Variants in LINC00632 observed in about 807,000 individuals in gnomAD.
LINC00632 encodes the protein ALDOA related specific transcript.
rs762364101 is a variant in LINC00632 at position 140,775,870 on chromosome X, C to T, written n.3889C>T. Reference sequence around the variant, plus strand: ...ACGTTGAAATTTGGCATGAGGGAGTCCAGTAACTTTCTCCTCAATCTGTGA... The same window carrying T: ...ACGTTGAAATTTGGCATGAGGGAGTTCAGTAACTTTCTCCTCAATCTGTGA... On this transcript the variant is annotated non_coding_transcript_exon_variant, in exon 5 of 5. Transcript: ENST00000648200. 3.6e-5 allele frequency among the ~76,000 whole-genome samples: 4 copies of T among 110,295 alleles called. No individual in the cohort carries two copies. In the East Asian group the frequency reaches 1.1e-3, roughly 32 times the overall value.
exon 5 of LINC00632, among the ~76,000 whole-genome samples, chrX:140,776,020 A>C (rs186851687): frequency 1.7e-4 from 19 of 112,311 alleles, no homozygotes; most frequent in Admixed American, 1.3e-3. Context: ...AAAATTTTGC[A>C]ATCTACCCAT....
chrX:140,761,058 G>C (rs1057335479), intron 3 of LINC00632, among the ~76,000 whole-genome samples: 2 of 112,391 alleles, frequency 1.8e-5, no homozygotes, highest in Non-Finnish European at 3.8e-5. Context: ...GTCCCAGGAG[G>C]CTTGTTCACA....
intron 3 of LINC00632, among the ~76,000 whole-genome samples, chrX:140,760,657 G>A (rs775553180): frequency 9.0e-6 from 1 of 111,366 alleles, no homozygotes; most frequent in East Asian, 2.8e-4. Context: ...TGTAATCCCA[G>A]CTACTTGGGA....
intron 3 of LINC00632, among the ~76,000 whole-genome samples, chrX:140,741,508 C>T (rs1202881099): frequency 8.9e-6 from 1 of 111,917 alleles, no homozygotes. Context: ...TTGAAGAGAT[C>T]CTCTGAGCCA....
chrX:140,784,295 G>A lies in LINC00632; in HGVS notation n.12314G>A, dbSNP rs753275434. ...AAGGTACGTCTTCCAACAAAGGTAC[G>A]TCTTCCAACAAAGGTATGTCTTCCA... On this transcript the variant is annotated non_coding_transcript_exon_variant, in exon 5 of 5. Transcript: ENST00000648200. 39 of 1,189,269 alleles carry A rather than the reference G, an allele frequency of 3.3e-5. No homozygotes were observed. The Middle Eastern group carries it at 7.0e-4, about 21-fold the overall frequency.
At chrX:140,783,874 A>G (rs1460791973) in exon 5 of LINC00632, 12 of 1,209,684 alleles carry the variant, frequency 9.9e-6, no homozygotes, top group African/African-American at 1.7e-5. Context: ...CTTCCCAACA[A>G]TCCAAGTCTT....
intron 3 of LINC00632, among the ~76,000 whole-genome samples, chrX:140,760,508 C>T (rs746595323): frequency 3.6e-5 from 4 of 111,474 alleles, no homozygotes; most frequent in Non-Finnish European, 5.6e-5. Flanking sequence ...CGGTGGCTCA[C>T]GCTTGTAATC....
chrX:140,745,432 C>T (rs1195268003), intron 3 of LINC00632, among the ~76,000 whole-genome samples: 1 of 111,322 alleles, frequency 9.0e-6, no homozygotes, highest in African/African-American at 3.3e-5. Flanking sequence ...TTTGAGGCTT[C>T]TGTTATCCAT....
chrX:140,763,570 G>T (rs751086774), intron 3 of LINC00632, among the ~76,000 whole-genome samples: 4 of 111,131 alleles, frequency 3.6e-5, no homozygotes, highest in Non-Finnish European at 7.5e-5. Context: ...TGCTAAGTCT[G>T]ATATTTGTTC....
intron 3 of LINC00632, among the ~76,000 whole-genome samples, chrX:140,754,613 G>T (rs1602747058): frequency 9.0e-6 from 1 of 111,229 alleles, no homozygotes; most frequent in Admixed American, 9.6e-5. Context: ...ACTTGACATT[G>T]CTTGGTCTGT....
intron 2 of LINC00632, among the ~76,000 whole-genome samples, chrX:140,724,564 CAG>C (rs1439957516): frequency 4.6e-5 from 2 of 43,343 alleles, no homozygotes; most frequent in South Asian, 1.9e-3. Flanking sequence ...CTTCCATACA[CAG>C]AGACACATTC....
At chrX:140,711,864 G>T in intron 2 of LINC00632, 1 of 144,165 alleles carries the variant, frequency 6.9e-6, no homozygotes, top group Non-Finnish European at 1.4e-5. Flanking sequence ...CCTTTGATTA[G>T]TGTATTCACC....
At position 140,711,729 on chromosome X, in the gene LINC00632, T is replaced by C. The variant is rs558762489; in HGVS notation, n.104+73T>C. 106 of 183,861 alleles carry C rather than the reference T, an allele frequency of 5.8e-4. No individual in the cohort carries two copies. In the South Asian group the frequency reaches 6.9e-3, roughly 12 times the overall value. The allele number at this position is 183,861 out of a possible 1,213,427, so 15.2% of individuals were successfully genotyped here. A position where few individuals can be genotyped will look rare whatever the true frequency, so the allele number is the denominator to read the frequency against. On this transcript the variant is annotated intron_variant and non_coding_transcript_variant, in intron 2 of 4. Coordinates refer to ENST00000648200, the Ensembl canonical transcript of LINC00632. ...TTATTTATTATATGTGGTATAAACATTATTTTCCAGCCATTGTTTTCCTAT... is the reference window on the plus strand; with the variant it reads ...TTATTTATTATATGTGGTATAAACACTATTTTCCAGCCATTGTTTTCCTAT...
At chrX:140,746,582 T>C (rs1931329729) in intron 3 of LINC00632, among the ~76,000 whole-genome samples, 2 of 112,405 alleles carry the variant, frequency 1.8e-5, no homozygotes, top group African/African-American at 3.2e-5. Flanking sequence ...GATGGATTTG[T>C]ACAAGTAGCA....
intron 3 of LINC00632, among the ~76,000 whole-genome samples, chrX:140,761,810 C>T (rs1194876383): frequency 8.9e-6 from 1 of 112,164 alleles, no homozygotes; most frequent in Non-Finnish European, 1.9e-5. Flanking sequence ...TTGGATGGGT[C>T]CTGTTTGTTT....
At chrX:140,779,574 A>G (rs1434557821) in exon 5 of LINC00632, among the ~76,000 whole-genome samples, 7 of 111,732 alleles carry the variant, frequency 6.3e-5, no homozygotes, top group Non-Finnish European at 1.3e-4. Context: ...TGGTTGCTTA[A>G]GAATTCAGAA....
At chrX:140,740,774 G>C (rs1211239080) in intron 3 of LINC00632, among the ~76,000 whole-genome samples, 2 of 111,277 alleles carry the variant, frequency 1.8e-5, no homozygotes, top group African/African-American at 6.5e-5. Context: ...TTTGAAAAAG[G>C]GGCCCCACAT....
exon 4 of LINC00632, among the ~76,000 whole-genome samples, chrX:140,773,782 C>T (rs1453594565): frequency 2.7e-5 from 3 of 112,035 alleles, no homozygotes; most frequent in Non-Finnish European, 5.6e-5. Context: ...GACTCCACTC[C>T]TTCAACTCTT....
chrX:140,774,020 T>C (rs756539583), exon 4 of LINC00632, among the ~76,000 whole-genome samples: 3 of 112,556 alleles, frequency 2.7e-5, no homozygotes, highest in East Asian at 5.6e-4. Context: ...AAGGTTTCCT[T>C]CCAGTGGTAG....
Sources: gnomAD v4.1 joint callset for allele counts (sites outside exome capture counted in the v4.1 genomes callset) on GRCh38, gnomAD v4.1.1 for gene constraint, MANE v1.5 for transcripts, NCBI Gene and HGNC (gene_info 2026-07-23, HGNC 2026-07-21) for gene names.